The following KIAA0586 variants were observed in gnomAD, a reference collection of about 807,000 sequenced individuals.
KIAA0586 encodes the protein KIAA0586, also known as protein TALPID3.
In KIAA0586, 144 loss-of-function variants were observed where a neutral mutation model predicts 169.8. The ratio of observed to expected loss-of-function variants is 0.85; its 90% CI spans 0.74 to 0.97. The LOEUF is 0.97. KIAA0586 is among the 50% of genes least tolerant of loss of function. KIAA0586 has a pLI of 0.00. For missense variants in KIAA0586, 1,854 were observed against 1,823.0 expected (o/e 1.02, Z -0.31); for synonymous variants, 625 against 612.4 (o/e 1.02, Z -0.30).
chr14:58,454,286 A>G (rs574661447), intron 9 of KIAA0586, among the ~76,000 whole-genome samples: 3 of 152,348 alleles, frequency 2.0e-5, no homozygotes, highest in African/African-American at 7.2e-5. Context: ...TTTCAATATT[A>G]TTCAGAAACT....
At chr14:58,478,196 T>C (rs2041788646) in intron 20 of KIAA0586, among the ~76,000 whole-genome samples, 1 of 152,272 alleles carries the variant, frequency 6.6e-6, no homozygotes, top group South Asian at 2.1e-4. Context: ...AAAATCATTT[T>C]GGGTCCAGGC....
intron 20 of KIAA0586, among the ~76,000 whole-genome samples, chr14:58,478,749 C>T (rs182060713): frequency 2.0e-5 from 3 of 152,216 alleles, no homozygotes; most frequent in Admixed American, 6.5e-5. Context: ...AAACCTCACT[C>T]GTGCCCACTG....
intron 27 of KIAA0586, among the ~76,000 whole-genome samples, chr14:58,504,562 T>C (rs1004544960): frequency 2.4e-4 from 37 of 152,220 alleles, no homozygotes; most frequent in Admixed American, 3.3e-4. Flanking sequence ...CTTAGTCTTC[T>C]CTAAAAGTCT....
Position 58,456,662 on chromosome 14 carries a change from C to G in KIAA0586, c.1254-40C>G, listed in dbSNP as rs1398026603. The G allele has an allele frequency of 9.1e-6, 11 of 1,203,244 alleles. 1 individual carries two copies. Among genetic ancestry groups the G allele is most frequent in the Non-Finnish European group, 1.2e-5 (10 of 844,132 alleles). 74.5% of individuals were successfully genotyped at this position (1,203,244 alleles called of 1,614,324 possible). On this transcript the variant is annotated intron_variant, in intron 9 of 30. Transcript: ENST00000652326. ...TTTACAACAATTTAGGAAACTTTTTCAAAAATCTTCTGTAGCGTTGAAACT... is the reference window on the plus strand; with the variant it reads ...TTTACAACAATTTAGGAAACTTTTTGAAAAATCTTCTGTAGCGTTGAAACT...
In KIAA0586 at chr14:58,517,191, A is replaced by T. The variant is rs529844993; in HGVS notation, c.4429+4564A>T. On this transcript the variant is annotated intron_variant, in intron 29 of 30. Coordinates refer to ENST00000652326, the MANE Select transcript of KIAA0586 (RefSeq NM_001329943.3). ...GTGTTAAGAGAATGAAAAAGGACAA[A>T]TCACAGACTGGAAGAAAATATTTGC... is the stretch of plus-strand genomic sequence containing the variant. 1.2e-4 allele frequency among the ~76,000 whole-genome samples: 19 copies of T among 152,334 alleles called. 1 individual carries two copies. Among genetic ancestry groups the T allele is most frequent in the African/African-American group, 4.1e-4 (17 of 41,580 alleles).
chr14:58,460,180 C>G (rs1309208557), intron 13 of KIAA0586, 110 bp downstream of exon 13: 1 of 667,816 alleles, frequency 1.5e-6, no homozygotes, highest in African/African-American at 1.8e-5. Context: ...ATATGAAGGA[C>G]TATACAAATG....
At chr14:58,458,132 T>C (rs1339080040) in intron 11 of KIAA0586, among the ~76,000 whole-genome samples, 153 bp downstream of exon 11, 1 of 152,198 alleles carries the variant, frequency 6.6e-6, no homozygotes, top group Non-Finnish European at 1.5e-5. Flanking sequence ...AAAGTTGGAA[T>C]TTGGATATAT....
intron 29 of KIAA0586, among the ~76,000 whole-genome samples, chr14:58,518,359 G>C (rs2044919331): frequency 1.3e-5 from 2 of 151,988 alleles, no homozygotes; most frequent in African/African-American, 2.4e-5. Flanking sequence ...GGATTTTTAG[G>C]TGTTTATTTA....
intron 29 of KIAA0586, among the ~76,000 whole-genome samples, chr14:58,533,593 T>C (rs143574997): frequency 6.6e-6 from 1 of 152,322 alleles, no homozygotes; most frequent in Non-Finnish European, 1.5e-5. Context: ...CCATCTGGTT[T>C]GTATCAGACT....
intron 16 of KIAA0586, among the ~76,000 whole-genome samples, chr14:58,470,005 C>T (rs191043018): frequency 1.9e-3 from 284 of 150,394 alleles, no homozygotes; most frequent in African/African-American, 6.8e-3. Context: ...TATTCGTGTC[C>T]TGTGGCCCAG....
chr14:58,529,548 C>T (rs1442406791), intron 29 of KIAA0586, among the ~76,000 whole-genome samples: 4 of 152,128 alleles, frequency 2.6e-5, no homozygotes, highest in Non-Finnish European at 5.9e-5. Context: ...AAGGCTGGTT[C>T]AACATATGCA....
chr14:58,482,515 G>A lies in KIAA0586; in HGVS notation c.2947G>A (p.Glu983Lys), dbSNP rs563109987. 11 of 1,475,928 alleles carry A rather than the reference G, an allele frequency of 7.5e-6. No homozygotes were observed. The East Asian group carries it at 2.8e-4, about 37-fold the overall frequency. 91.4% of individuals were successfully genotyped at this position (1,475,928 alleles called of 1,614,324 possible). Residue 983 changes from glutamate (E) to lysine (K), a missense_variant and splice_region_variant, in exon 21 of 31, where the codon GAA becomes AAA. Coordinates refer to ENST00000652326, the MANE Select transcript of KIAA0586 (RefSeq NM_001329943.3). ...TGATTTTTTTTTTTTACTTTTAGTG[G>A]AAGGAACAAGCAGTGGCGCCCTCCA... ...TSEPLTSDIV[E>K]GTSSGALQLF...
At chr14:58,555,559 A>ATAAC (rs535691792), downstream of KIAA0586, among the ~76,000 whole-genome samples, 16 of 152,338 alleles carry the variant, frequency 1.1e-4, no homozygotes, top group East Asian at 2.5e-3. Context: ...CTTTTCGGTT[A>ATAAC]TAACTGGGTT....
chr14:58,508,772 G>A (rs1046355190), intron 28 of KIAA0586, 63 bp downstream of exon 28: 14 of 1,307,072 alleles, frequency 1.1e-5, no homozygotes, highest in Admixed American at 2.1e-5. Flanking sequence ...TTGCCTTAGC[G>A]TGGTACCCCG....
chr14:58,498,986 A>G, intron 27 of KIAA0586, 26 bp downstream of exon 27: 1 of 1,558,854 alleles, frequency 6.4e-7, no homozygotes, highest in Non-Finnish European at 8.7e-7. Flanking sequence ...TTTTTTCTTG[A>G]TGTGTCATAG....
rs746928318 is a variant in KIAA0586, at chr14:58,465,871, T to G, written c.2096T>G (p.Phe699Cys). The G allele has an allele frequency of 6.2e-7, 1 of 1,612,040 alleles. No homozygotes were observed. The highest frequency in any genetic ancestry group is 1.1e-5 in the South Asian group (1 of 90,668). ...KVKSIRTQTD[F>C]YATKPKKMDS... Reference sequence around the variant, plus strand: ...AAGTCAATAAGAACACAGACTGACTTCTATGCAACAAAACCTAAGAAGATG... The same window carrying G: ...AAGTCAATAAGAACACAGACTGACTGCTATGCAACAAAACCTAAGAAGATG... Residue 699 changes from phenylalanine to cysteine, a missense_variant, in exon 15 of 31, where the codon TTC becomes TGC. Phe to Cys is a radical substitution (Grantham distance 205). Coordinates refer to ENST00000652326, the MANE Select transcript of KIAA0586 (RefSeq NM_001329943.3).
intron 4 of KIAA0586, among the ~76,000 whole-genome samples, chr14:58,435,492 A>T (rs972947994): frequency 1.3e-5 from 2 of 152,256 alleles, no homozygotes; most frequent in Middle Eastern, 3.4e-3. Context: ...TCCTCCTTTT[A>T]ACCGTGTAAC....
chr14:58,482,436 A>G (rs1163631062), intron 20 of KIAA0586, 77 bp from the exon 21 acceptor site: 22 of 1,086,322 alleles, frequency 2.0e-5, no homozygotes, highest in Non-Finnish European at 2.5e-5. Flanking sequence ...GAGAAAAATA[A>G]TAATAATAAT....
intron 10 of KIAA0586, among the ~76,000 whole-genome samples, chr14:58,457,113 G>A (rs1050533941): frequency 1.3e-5 from 2 of 152,148 alleles, no homozygotes; most frequent in African/African-American, 4.8e-5. Flanking sequence ...AATCCACAAT[G>A]TCTGCCATTT....
Sources: gnomAD v4.1 joint callset for allele counts (sites outside exome capture counted in the v4.1 genomes callset) on GRCh38, gnomAD v4.1.1 for gene constraint, MANE v1.5 for transcripts, NCBI Gene and HGNC (gene_info 2026-07-23, HGNC 2026-07-21) for gene names.